The following FGGY variants were observed in gnomAD, a reference collection of about 807,000 sequenced individuals.
FGGY encodes the protein FGGY carbohydrate kinase domain-containing protein.
In FGGY, 72 loss-of-function variants were observed where a neutral mutation model predicts 71.3. The observed-to-expected ratio is 1.01, with a 90% CI of 0.84 to 1.23. FGGY has a LOEUF of 1.23. FGGY is among the 50% of genes most tolerant of loss of function. FGGY has a pLI of 0.00. For missense variants in FGGY, 668 were observed against 682.3 expected, an observed-to-expected ratio of 0.98 and a Z score of 0.23; for synonymous variants, 251 against 250.3, an observed-to-expected ratio of 1.00 and a Z score of -0.02.
At chr1:59,739,958 G>T (rs776065673) in intron 14 of FGGY, among the ~76,000 whole-genome samples, 11 of 152,256 alleles carry the variant, frequency 7.2e-5, no homozygotes, top group East Asian at 3.9e-4. Flanking sequence ...TTCCCCCAGC[G>T]CTCTCCTTGC....
intron 7 of FGGY, among the ~76,000 whole-genome samples, chr1:59,515,674 A>G (rs1322910031): frequency 1.3e-5 from 2 of 152,174 alleles, no homozygotes; most frequent in Non-Finnish European, 2.9e-5. Flanking sequence ...GTCTCACAAG[A>G]TCTGATGGGT....
rs1290461041 is a variant in FGGY, at chr1:59,757,944, A to C, written c.1526A>C (p.Lys509Thr). Reference protein sequence around the residue: ...DFASVQEAMAKMSKVGKVVFP... With the variant: ...DFASVQEAMATMSKVGKVVFP... The stretch of plus-strand genomic sequence containing the variant: ...TCCATTTAATAGGAAGCAATGGCAA[A>C]AATGAGCAAAGTTGGGAAAGTTGTG... Residue 509 changes from lysine to threonine, a missense_variant, in exon 15 of 16, where the codon AAA becomes ACA. Coordinates refer to ENST00000303721, the MANE Select transcript of FGGY (RefSeq NM_018291.5). 6.2e-7 allele frequency: 1 copy of C among 1,613,332 alleles called. No homozygotes were observed. The highest frequency in any genetic ancestry group is 8.5e-7 in the Non-Finnish European group (1 of 1,179,582).
At chr1:59,465,386 C>G (rs1382003165) in intron 6 of FGGY, among the ~76,000 whole-genome samples, 1 of 152,008 alleles carries the variant, frequency 6.6e-6, no homozygotes, top group African/African-American at 2.4e-5. Flanking sequence ...TATGACAGAC[C>G]CACAGCCAAT....
intron 2 of FGGY, among the ~76,000 whole-genome samples, chr1:59,332,946 A>G: frequency 6.6e-6 from 1 of 152,166 alleles, no homozygotes; most frequent in East Asian, 1.9e-4. Context: ...CCTATTTTCT[A>G]TAAAGGTTTA....
At chr1:59,594,903 G>A (rs545116289) in intron 8 of FGGY, among the ~76,000 whole-genome samples, 124 of 152,302 alleles carry the variant, frequency 8.1e-4, no homozygotes, top group African/African-American at 2.9e-3. Flanking sequence ...CTCCAGAAAT[G>A]GGGTTTGGGT....
chr1:59,323,459 G>A (rs1452248427), intron 2 of FGGY, among the ~76,000 whole-genome samples: 1 of 152,190 alleles, frequency 6.6e-6, no homozygotes, highest in Non-Finnish European at 1.5e-5. Flanking sequence ...TGGATATGTG[G>A]GCATGTGCCA....
intron 8 of FGGY, among the ~76,000 whole-genome samples, chr1:59,573,565 A>G (rs562730641): frequency 3.2e-4 from 49 of 152,296 alleles, no homozygotes; most frequent in African/African-American, 9.1e-4. Context: ...TGAATATTAT[A>G]CAATAATTCT....
intron 8 of FGGY, among the ~76,000 whole-genome samples, chr1:59,594,084 C>T (rs2096490261): frequency 6.6e-6 from 1 of 152,216 alleles, no homozygotes; most frequent in Non-Finnish European, 1.5e-5. Context: ...TCTTTACCTT[C>T]AACCCACTAG....
rs1415711523 is a variant in FGGY at position 59,476,367 on chromosome 1, G to A, written c.670+19291G>A. Among the ~76,000 whole-genome samples the A allele has an allele frequency of 2.0e-5, 3 of 152,214 alleles. No individual in the cohort carries two copies. In the East Asian group the frequency reaches 5.8e-4, roughly 29 times the overall value. On this transcript the variant is annotated intron_variant, in intron 6 of 15. Transcript: ENST00000303721. ...GTACTACTATATTCATTTTACTGAT[G>A]AGGAAATTAAGGAAAGGAGAGGTTA... is the stretch of plus-strand genomic sequence containing the variant.
At chr1:59,372,373 T>G (rs1279067850) in intron 4 of FGGY, among the ~76,000 whole-genome samples, 2 of 152,318 alleles carry the variant, frequency 1.3e-5, no homozygotes, top group East Asian at 3.9e-4. Flanking sequence ...AAGTTGAATC[T>G]CTGAATAGAC....
chr1:59,537,086 A>G (rs1419843906), intron 7 of FGGY, among the ~76,000 whole-genome samples: 1 of 151,398 alleles, frequency 6.6e-6, no homozygotes, highest in Non-Finnish European at 1.5e-5. Context: ...ATGATTGTAT[A>G]TCTAGAAAAC....
Position 59,459,446 on chromosome 1 carries a change from C to A in FGGY, c.670+2370C>A, listed in dbSNP as rs140427117. Among the ~76,000 whole-genome samples, 299 of 152,178 alleles carry A rather than the reference C, an allele frequency of 2.0e-3. 1 individual carries two copies. The highest frequency in any genetic ancestry group is 6.9e-3 in the African/African-American group (286 of 41,536). The stretch of plus-strand genomic sequence containing the variant: ...CATCAAAAGAATATAGTAGAAATTT[C>A]TTTACAATTGAATAGAAATTTCTTT... On this transcript the variant is annotated intron_variant, in intron 6 of 15. Coordinates refer to ENST00000303721, the MANE Select transcript of FGGY (RefSeq NM_018291.5).
intron 9 of FGGY, among the ~76,000 whole-genome samples, chr1:59,624,217 C>G (rs553219478): frequency 8.6e-5 from 13 of 151,940 alleles, no homozygotes; most frequent in African/African-American, 3.1e-4. Context: ...ACAACGTATA[C>G]CTGGAAGTTC....
intron 14 of FGGY, among the ~76,000 whole-genome samples, chr1:59,727,632 A>G (rs936817493): frequency 1.3e-5 from 2 of 152,160 alleles, no homozygotes; most frequent in African/African-American, 4.8e-5. Context: ...CATACTTCCC[A>G]TACAGATTCA....
At chr1:59,590,476 A>T (rs1371390126) in intron 8 of FGGY, among the ~76,000 whole-genome samples, 1 of 152,186 alleles carries the variant, frequency 6.6e-6, no homozygotes, top group Non-Finnish European at 1.5e-5. Context: ...CCTGGCAGAG[A>T]CACAACCAAA....
At chr1:59,620,393 G>A (rs887716023) in intron 9 of FGGY, among the ~76,000 whole-genome samples, 12 of 151,274 alleles carry the variant, frequency 7.9e-5, no homozygotes, top group Non-Finnish European at 4.4e-5. Flanking sequence ...GCAAATCACC[G>A]TGGCACTTTT....
chr1:59,659,424 G>A (rs2097254356), intron 11 of FGGY, among the ~76,000 whole-genome samples: 1 of 152,176 alleles, frequency 6.6e-6, no homozygotes, highest in African/African-American at 2.4e-5. Context: ...CACACCATAG[G>A]AACTGAGTAA....
intron 14 of FGGY, among the ~76,000 whole-genome samples, chr1:59,708,516 G>A (rs963597213): frequency 6.6e-5 from 10 of 152,166 alleles, no homozygotes; most frequent in Non-Finnish European, 5.9e-5. Context: ...TAAGGTGCAG[G>A]TGAGAAAGAG....
At position 59,413,577 on chromosome 1, in the gene FGGY, A is replaced by G. The variant is rs554633863; in HGVS notation, c.554+34740A>G. ...CAGTGGCAGTCAGCAAGTTCTGCTCATAGATGCATATTGTTTCAGCTATTT... is the reference window on the plus strand; with the variant it reads ...CAGTGGCAGTCAGCAAGTTCTGCTCGTAGATGCATATTGTTTCAGCTATTT... On this transcript the variant is annotated intron_variant, in intron 5 of 15. Coordinates refer to ENST00000303721, the MANE Select transcript of FGGY (RefSeq NM_018291.5). Among the ~76,000 whole-genome samples, 166 of 152,288 alleles carry G rather than the reference A, an allele frequency of 1.1e-3. 1 individual carries two copies. Among genetic ancestry groups the G allele is most frequent in the Non-Finnish European group, 2.1e-3 (142 of 68,024 alleles).
Sources: gnomAD v4.1 joint callset for allele counts (sites outside exome capture counted in the v4.1 genomes callset) on GRCh38, gnomAD v4.1.1 for gene constraint, MANE v1.5 for transcripts, NCBI Gene and HGNC (gene_info 2026-07-23, HGNC 2026-07-21) for gene names.